Variants in NRXN3 observed in about 807,000 individuals in gnomAD.
NRXN3 encodes neurexin 3.
Under a neutral mutation model 137.6 loss-of-function variants are expected in NRXN3, and 32 were observed. The ratio of observed to expected loss-of-function variants is 0.23; its 90% confidence interval spans 0.18 to 0.31. The LOEUF (loss-of-function observed/expected upper bound fraction) is 0.31. Among genes scored for constraint, NRXN3 ranks in the 10% least tolerant of loss-of-function variants. The pLI, the probability that NRXN3 is intolerant of heterozygous loss-of-function variation, is 1.00. For synonymous variants in NRXN3, 798 were observed against 784.5 expected (o/e 1.02, Z -0.29); for missense variants, 1,574 against 2,062.5 (o/e 0.76, Z 4.59).
intron 1 of NRXN3, among the ~76,000 whole-genome samples, chr14:78,188,815 C>T (rs1595732952): frequency 6.6e-6 from 1 of 152,092 alleles, no homozygotes; most frequent in Non-Finnish European, 1.5e-5. Context: ...CGGATTCCTA[C>T]GGGTTGGTTG....
intron 16 of NRXN3, among the ~76,000 whole-genome samples, chr14:79,555,779 G>T (rs2153755949): frequency 6.6e-6 from 1 of 152,242 alleles, no homozygotes; most frequent in East Asian, 1.9e-4. Context: ...TTTCATTGTT[G>T]CTGGAGATAA....
intron 15 of NRXN3, among the ~76,000 whole-genome samples, chr14:79,218,299 G>A (rs562228202): frequency 6.6e-6 from 1 of 152,300 alleles, no homozygotes; most frequent in African/African-American, 2.4e-5. Context: ...TCCTGGCTCT[G>A]CTACCGTTTA....
At chr14:78,838,766 GA>G (rs1360448643) in intron 10 of NRXN3, among the ~76,000 whole-genome samples, 2 of 152,106 alleles carry the variant, frequency 1.3e-5, no homozygotes, top group Non-Finnish European at 2.9e-5. Context: ...CAATTCTGGG[GA>G]CAGTTCCTAT....
At chr14:79,803,776 T>C (rs1443061326) in intron 19 of NRXN3, among the ~76,000 whole-genome samples, 2 of 151,946 alleles carry the variant, frequency 1.3e-5, no homozygotes, top group Non-Finnish European at 1.5e-5. Flanking sequence ...ACTAGCTGTA[T>C]GTCTTTCAGC....
At chr14:78,848,572 G>T (rs1341950189) in intron 10 of NRXN3, among the ~76,000 whole-genome samples, 1 of 152,098 alleles carries the variant, frequency 6.6e-6, no homozygotes, top group East Asian at 1.9e-4. Flanking sequence ...TGAAGTTATC[G>T]ATGCATCTGC....
intron 20 of NRXN3, chr14:79,853,771 C>CA (rs1270850439): frequency 2.9e-6 from 3 of 1,029,434 alleles, no homozygotes; most frequent in Non-Finnish European, 3.5e-6. Flanking sequence ...GTCAAAAAGA[C>CA]AAAAAAATAT....
At chr14:79,725,920 G>A (rs2098885399) in intron 19 of NRXN3, among the ~76,000 whole-genome samples, 1 of 152,094 alleles carries the variant, frequency 6.6e-6, no homozygotes, top group Non-Finnish European at 1.5e-5. Context: ...TTCCAAGGCA[G>A]GGAGCTAATC....
intron 15 of NRXN3, among the ~76,000 whole-genome samples, chr14:79,439,610 T>G (rs371500305): frequency 6.6e-6 from 1 of 152,354 alleles, no homozygotes; most frequent in Non-Finnish European, 1.5e-5. Flanking sequence ...TTTGCTCATT[T>G]TATTTAAAGA....
intron 8 of NRXN3, among the ~76,000 whole-genome samples, chr14:78,781,215 C>T (rs1323708126): frequency 1.3e-5 from 2 of 152,000 alleles, no homozygotes; most frequent in South Asian, 4.2e-4. Context: ...TTAAAATAAT[C>T]CAAAATATTT....
chr14:78,606,368 C>G (rs1389518438), intron 4 of NRXN3, among the ~76,000 whole-genome samples: 1 of 152,002 alleles, frequency 6.6e-6, no homozygotes, highest in African/African-American at 2.4e-5. Flanking sequence ...ATGTGATTTC[C>G]TTGGCCTGGA....
intron 16 of NRXN3, among the ~76,000 whole-genome samples, chr14:79,662,851 C>T (rs949664180): frequency 2.6e-5 from 4 of 152,002 alleles, no homozygotes; most frequent in Admixed American, 6.6e-5. Context: ...GGTACTAAAA[C>T]GTTCATGAGA....
intron 4 of NRXN3, among the ~76,000 whole-genome samples, chr14:78,354,940 C>T (rs1287400175): frequency 6.6e-6 from 1 of 152,116 alleles, no homozygotes; most frequent in African/African-American, 2.4e-5. Context: ...GTGGTCAGCA[C>T]ACAAGTCTCA....
intron 4 of NRXN3, among the ~76,000 whole-genome samples, chr14:78,624,027 C>T (rs1034652795): frequency 1.3e-5 from 2 of 152,134 alleles, no homozygotes; most frequent in East Asian, 3.9e-4. Context: ...GTTTGTTACC[C>T]AATGAACATG....
At chr14:78,986,205 T>C (rs1446631487) in intron 14 of NRXN3, among the ~76,000 whole-genome samples, 1 of 152,192 alleles carries the variant, frequency 6.6e-6, no homozygotes, top group Non-Finnish European at 1.5e-5. Flanking sequence ...GTTATTGCAA[T>C]GGTAATATGT....
chr14:78,367,894 A>G (rs929944178), intron 4 of NRXN3, among the ~76,000 whole-genome samples: 1 of 152,194 alleles, frequency 6.6e-6, no homozygotes, highest in African/African-American at 2.4e-5. Flanking sequence ...TTATTGTAAT[A>G]CTTTAAAGAC....
intron 15 of NRXN3, among the ~76,000 whole-genome samples, chr14:79,366,980 C>CTTTTTTT (rs71131695): frequency 2.6e-5 from 3 of 113,214 alleles, no homozygotes; most frequent in Non-Finnish European, 3.5e-5. Flanking sequence ...GTCCCTTAGT[C>CTTTTTTT]TTTTTTTTTT....
chr14:78,423,651 C>G (rs941642977), intron 4 of NRXN3, among the ~76,000 whole-genome samples: 1 of 152,182 alleles, frequency 6.6e-6, no homozygotes, highest in Non-Finnish European at 1.5e-5. Context: ...ACAGCTGATT[C>G]TTTTCTCTTA....
intron 15 of NRXN3, among the ~76,000 whole-genome samples, chr14:79,209,674 A>G (rs1165131111): frequency 6.6e-6 from 1 of 152,176 alleles, no homozygotes; most frequent in South Asian, 2.1e-4. Context: ...CCCCATTATA[A>G]CGTATGCTTC....
intron 4 of NRXN3, among the ~76,000 whole-genome samples, chr14:78,306,133 A>G (rs2077349701): frequency 6.6e-6 from 1 of 152,224 alleles, no homozygotes; most frequent in South Asian, 2.1e-4. Flanking sequence ...TGTACAATGT[A>G]TCAGTAGAAC....
Sources: gnomAD v4.1 joint callset for allele counts (sites outside exome capture counted in the v4.1 genomes callset) on GRCh38, gnomAD v4.1.1 for gene constraint, MANE v1.5 for transcripts, NCBI Gene and HGNC (gene_info 2026-07-23, HGNC 2026-07-21) for gene names.